The following MYO5A variants were observed in gnomAD, a reference collection of about 807,000 sequenced individuals.
MYO5A encodes myosin VA.
MYO5A carries 98 observed loss-of-function variants against 249.7 expected under a neutral mutation model. That is an observed-to-expected ratio of 0.39 (90% CI 0.33 to 0.46). The LOEUF (loss-of-function observed/expected upper bound fraction) is 0.46. Ranked by LOEUF, MYO5A falls within the 20% of genes least tolerant of loss-of-function variation. MYO5A has a pLI of 0.98. For synonymous variants in MYO5A, 778 were observed against 810.6 expected (o/e 0.96, Z 0.68); for missense variants, 1,696 against 2,308.8 (o/e 0.73, Z 5.44).
intron 30 of MYO5A, among the ~76,000 whole-genome samples, chr15:52,345,550 A>C (rs1319033322): frequency 6.6e-6 from 1 of 150,772 alleles, no homozygotes; most frequent in Non-Finnish European, 1.5e-5. Flanking sequence ...GCTCCACTTC[A>C]CTCCAGCCTA....
chr15:52,403,936 C>T (rs2042875298), intron 9 of MYO5A, among the ~76,000 whole-genome samples: 1 of 152,208 alleles, frequency 6.6e-6, no homozygotes, highest in Non-Finnish European at 1.5e-5. Context: ...AACTGTCTGC[C>T]CATCTAGCTC....
At chr15:52,461,463 C>G (rs949885173) in intron 1 of MYO5A, among the ~76,000 whole-genome samples, 3 of 152,092 alleles carry the variant, frequency 2.0e-5, no homozygotes, top group Admixed American at 1.3e-4. Context: ...AAAACAGAAA[C>G]CTAGTCACCC....
At chr15:52,417,021 G>A (rs76576360) in intron 4 of MYO5A, among the ~76,000 whole-genome samples, 51 of 152,212 alleles carry the variant, frequency 3.4e-4, no homozygotes, top group African/African-American at 1.2e-3. Context: ...TGTGTTCTTC[G>A]TGATAAGGCA....
chr15:52,482,771 G>C (rs1267116105), intron 1 of MYO5A, among the ~76,000 whole-genome samples: 1 of 152,126 alleles, frequency 6.6e-6, no homozygotes. Flanking sequence ...AGTTGCGGCA[G>C]CTCAAGGCAA....
chr15:52,348,948 G>T, intron 28 of MYO5A, 122 bp from the exon 29 acceptor site: 1 of 1,062,292 alleles, frequency 9.4e-7, no homozygotes, highest in Non-Finnish European at 1.4e-6. Context: ...AAACAGCCAT[G>T]AGTTGTTTCT....
intron 1 of MYO5A, among the ~76,000 whole-genome samples, chr15:52,462,138 C>T (rs1352678797): frequency 1.3e-5 from 2 of 151,416 alleles, no homozygotes; most frequent in South Asian, 4.2e-4. Context: ...TGGTGGCAGG[C>T]GCCTGTAGTC....
At chr15:52,399,503 T>C (rs1430944695) in intron 9 of MYO5A, among the ~76,000 whole-genome samples, 1 of 152,214 alleles carries the variant, frequency 6.6e-6, no homozygotes, top group Non-Finnish European at 1.5e-5. Context: ...AGCACTGCTT[T>C]TGGCCTCAAA....
chr15:52,490,505 C>A (rs1382706555), intron 1 of MYO5A, among the ~76,000 whole-genome samples: 1 of 152,036 alleles, frequency 6.6e-6, no homozygotes, highest in Non-Finnish European at 1.5e-5. Flanking sequence ...GGACATTACG[C>A]CATATGAAAT....
At chr15:52,462,376 T>C (rs2076270270) in intron 1 of MYO5A, among the ~76,000 whole-genome samples, 1 of 152,056 alleles carries the variant, frequency 6.6e-6, no homozygotes, top group African/African-American at 2.4e-5. Flanking sequence ...AGTGTTCATC[T>C]GATATCTTGA....
At chr15:52,352,700 A>AG (rs1386936734) in intron 27 of MYO5A, among the ~76,000 whole-genome samples, 1 of 152,056 alleles carries the variant, frequency 6.6e-6, no homozygotes, top group Non-Finnish European at 1.5e-5. Context: ...GGAGAATGGC[A>AG]TGAACCTGGG....
intron 19 of MYO5A, 38 bp from the exon 20 acceptor site, chr15:52,375,498 G>C (rs371692603): frequency 6.2e-7 from 1 of 1,608,974 alleles, no homozygotes; most frequent in African/African-American, 1.3e-5. Flanking sequence ...TCAGTAATCA[G>C]AAAAAAATGC....
At position 52,370,194 on chromosome 15, in the gene MYO5A, T is replaced by C. The variant is rs1026778031; in HGVS notation, c.3041A>G (p.Asp1014Gly). The C allele has an allele frequency of 5.0e-6, 8 of 1,614,186 alleles. No individual in the cohort carries two copies. In the Admixed American group the frequency reaches 5.0e-5, roughly 10 times the overall value. ...SEKKCIEEHADRYKQETEQLV... is the reference protein window; with the variant it reads ...SEKKCIEEHAGRYKQETEQLV... ...CTGCTCTGTTTCTTGTTTGTATCGA[T>C]CTGCATGTTCCTCAATGCATTTTTT... Residue 1014 changes from aspartate (D) to glycine (G), a missense_variant, in exon 22 of 42, where the codon GAT (aspartate) becomes GGT (glycine). Coordinates refer to ENST00000399233, the MANE Select transcript of MYO5A (RefSeq NM_001382347.1).
At chr15:52,337,782 A>T in intron 33 of MYO5A, 28 bp downstream of exon 33, 1 of 1,480,542 alleles carries the variant, frequency 6.8e-7, no homozygotes, top group Non-Finnish European at 9.2e-7. Flanking sequence ...AAGGGAAGAC[A>T]GCAGAAAAGC....
chr15:52,467,581 A>T (rs1420867139), intron 1 of MYO5A, among the ~76,000 whole-genome samples: 1 of 152,208 alleles, frequency 6.6e-6, no homozygotes, highest in Non-Finnish European at 1.5e-5. Context: ...AGAAAATGCA[A>T]AAAGTTCTGA....
intron 1 of MYO5A, among the ~76,000 whole-genome samples, chr15:52,477,087 A>G (rs1220227148): frequency 6.6e-6 from 1 of 152,014 alleles, no homozygotes; most frequent in Admixed American, 6.6e-5. Context: ...AGGCTTTGTC[A>G]TTTCTTTTTA....
At chr15:52,376,296 G>T in intron 19 of MYO5A, 51 bp downstream of exon 19, 1 of 1,550,212 alleles carries the variant, frequency 6.5e-7, no homozygotes, top group Non-Finnish European at 8.9e-7. Flanking sequence ...AACTGTCCTT[G>T]GTTGGACAGT....
chr15:52,445,138 G>T (rs544166325), intron 1 of MYO5A, among the ~76,000 whole-genome samples: 149 of 152,308 alleles, frequency 9.8e-4, no homozygotes, highest in African/African-American at 3.5e-3. Context: ...CCCAATGCTG[G>T]AGGTGAGGCC....
intron 18 of MYO5A, 87 bp downstream of exon 18, chr15:52,379,538 A>G: frequency 8.7e-7 from 1 of 1,147,836 alleles, no homozygotes; most frequent in Non-Finnish European, 1.3e-6. Flanking sequence ...TGGACTAGTA[A>G]AATGTTATAC....
chr15:52,489,880 A>G (rs1487011917), intron 1 of MYO5A, among the ~76,000 whole-genome samples: 1 of 152,218 alleles, frequency 6.6e-6, no homozygotes, highest in African/African-American at 2.4e-5. Flanking sequence ...AACAATGATG[A>G]ACAACCTGAT....
Sources: gnomAD v4.1 joint callset for allele counts (sites outside exome capture counted in the v4.1 genomes callset) on GRCh38, gnomAD v4.1.1 for gene constraint, MANE v1.5 for transcripts, NCBI Gene and HGNC (gene_info 2026-07-23, HGNC 2026-07-21) for gene names.